Variants in ZMYND15 observed in about 807,000 individuals in gnomAD.
ZMYND15 encodes the protein zinc finger MYND-type containing 15.
In ZMYND15, 54 loss-of-function variants were observed where a neutral mutation model predicts 81.7. The ratio of observed to expected loss-of-function variants is 0.66; its 90% CI spans 0.53 to 0.83. ZMYND15 has a LOEUF of 0.83. ZMYND15 is among the 40% of genes least tolerant of loss of function. ZMYND15 has a pLI of 0.00. For missense variants in ZMYND15, 925 were observed against 973.5 expected, an observed-to-expected ratio of 0.95 and a Z score of 0.66; for synonymous variants, 399 against 387.0, an observed-to-expected ratio of 1.03 and a Z score of -0.36.
chr17:4,742,676 C>A (rs577651043), intron 5 of ZMYND15, among the ~76,000 whole-genome samples, 185 bp downstream of exon 5: 328 of 152,226 alleles, frequency 2.2e-3, no homozygotes, highest in Non-Finnish European at 2.7e-3. Flanking sequence ...AAGCCGAGGC[C>A]TGAGTGTCTG....
rs1255350670 is a variant in ZMYND15 at position 4,745,809 on chromosome 17, G to T, written c.2058-10G>T. ...CCCGTGGTCCCTGACTGCGCCCCGC[G>T]CCCCCGCAGGTACTGCAATGCCTTC... is the stretch of plus-strand genomic sequence containing the variant. On this transcript the variant is annotated splice_polypyrimidine_tract_variant and intron_variant, in intron 13 of 13. Transcript: ENST00000433935. The surrounding 1 kb of genome is among the most constrained non-coding windows in gnomAD (Gnocchi z 5.2). The T allele has an allele frequency of 6.4e-7, 1 of 1,561,696 alleles. No individual in the cohort carries two copies.
Position 4,745,271 on chromosome 17 carries a change from C to G in ZMYND15, c.1953C>G (p.Asp651Glu). Reference protein sequence around the residue: ...TESSEYSCVMDGQTMAVATGG... With the variant: ...TESSEYSCVMEGQTMAVATGG... ...GCAGCGAGTACAGCTGTGTGATGGA[C>G]GGCCAGACCATGGCGGTGGCCACTG... is the stretch of plus-strand genomic sequence containing the variant. Residue 651 changes from aspartate (D) to glutamate (E), a missense_variant, in exon 13 of 14, where the codon GAC (aspartate) becomes GAG (glutamate). Physicochemically the swap from Asp to Glu is conservative, Grantham distance 45. Coordinates refer to ENST00000433935, the MANE Select transcript of ZMYND15 (RefSeq NM_001136046.3). The surrounding 1 kb of genome is among the most constrained non-coding windows in gnomAD (Gnocchi z 5.2). The G allele has an allele frequency of 6.2e-7, 1 of 1,613,998 alleles. No individual in the cohort carries two copies. Among genetic ancestry groups the G allele is most frequent in the Non-Finnish European group, 8.5e-7 (1 of 1,179,968 alleles).
In ZMYND15 at chr17:4,745,339, C is replaced by T. The variant is rs1916616501; in HGVS notation, c.2021C>T (p.Pro674Leu). The stretch of plus-strand genomic sequence containing the variant: ...CCCCAGCCCAACCCCTTCCGCTCCC[C>T]CTTTCGCCTCAGAGCGGCCGACAAC... ...SPPQPNPFRS[P>L]FRLRAADNCM... Residue 674 changes from proline to leucine, a missense_variant, in exon 13 of 14, where the codon CCC becomes CTC. Transcript: ENST00000433935. The surrounding 1 kb of genome is among the most constrained non-coding windows in gnomAD (Gnocchi z 5.2). 6.2e-7 allele frequency: 1 copy of T among 1,611,012 alleles called. No homozygotes were observed. Among genetic ancestry groups the T allele is most frequent in the Non-Finnish European group, 8.5e-7 (1 of 1,178,762 alleles).
intron 1 of ZMYND15, 101 bp downstream of exon 1, chr17:4,740,151 C>G: frequency 1.1e-6 from 1 of 875,994 alleles, no homozygotes; most frequent in Non-Finnish European, 1.4e-6. Flanking sequence ...CTCCCATACC[C>G]CACAGACGCA....
intron 5 of ZMYND15, among the ~76,000 whole-genome samples, chr17:4,742,897 T>C (rs1475476764): frequency 6.6e-6 from 1 of 152,070 alleles, no homozygotes; most frequent in Non-Finnish European, 1.5e-5. Flanking sequence ...TCAGAAATGG[T>C]AGTTCCCGGC....
In ZMYND15 at chr17:4,745,964, G is replaced by A. The variant is rs1041890122; in HGVS notation, c.2203G>A (p.Gly735Arg). 1 of 1,450,834 alleles carries A rather than the reference G, an allele frequency of 6.9e-7. No individual in the cohort carries two copies. The highest frequency in any genetic ancestry group is 9.0e-7 in the Non-Finnish European group (1 of 1,106,360). 89.9% of individuals were successfully genotyped at this position (1,450,834 alleles called of 1,614,324 possible). A position where few individuals can be genotyped will look rare whatever the true frequency, so the allele number is the denominator to read the frequency against. The change falls in exon 14 of 14, where the codon GGG (glycine) becomes AGG (arginine). Residue 735 changes from glycine to arginine, a missense_variant. Physicochemically the swap from Gly to Arg is moderately radical, Grantham distance 125 (BLOSUM62 -2). Transcript: ENST00000433935. The surrounding 1 kb of genome is among the most constrained non-coding windows in gnomAD (Gnocchi z 5.2). ...TRRRRGEKKP[G>R]RGARRRK ...AAGGCGCCGAGGAGAAAAGAAACCT[G>A]GGCGGGGGGCCCGCCGGCGGAAATG...
At chr17:4,742,773 TAAAC>T (rs1196836132) in intron 5 of ZMYND15, among the ~76,000 whole-genome samples, 1 of 152,174 alleles carries the variant, frequency 6.6e-6, no homozygotes, top group Non-Finnish European at 1.5e-5. Context: ...AGTGTGACCT[TAAAC>T]AAACCACTTT....
chr17:4,744,429 C>A lies in ZMYND15; in HGVS notation c.1645C>A (p.Pro549Thr). Residue 549 changes from proline (P) to threonine (T), a missense_variant, in exon 10 of 14, where the codon CCC becomes ACC. By Grantham distance (38) the Pro-to-Thr change is conservative. Transcript: ENST00000433935. This position sits in a 1 kb window ranked among gnomAD's most constrained non-coding sequence, Gnocchi z 4.1. The stretch of plus-strand genomic sequence containing the variant: ...GCTGCAGTTTGTAGGTGATGGCCTG[C>A]CCCCCGAAAGCGACGAGCAGCATTT... The part of the protein sequence containing the change: ...LELQFVGDGL[P>T]PESDEQHFTL... The A allele has an allele frequency of 6.2e-7, 1 of 1,614,086 alleles. No homozygotes were observed. The highest frequency in any genetic ancestry group is 8.5e-7 in the Non-Finnish European group (1 of 1,179,996).
At chr17:4,741,893 T>C in intron 3 of ZMYND15, 22 bp from the exon 4 acceptor site, 2 of 1,609,180 alleles carry the variant, frequency 1.2e-6, no homozygotes, top group Non-Finnish European at 1.7e-6. Flanking sequence ...CCTGATGCCA[T>C]CTCCCCCCCA....
In ZMYND15 at chr17:4,744,420, G is replaced by C. The variant is rs765580014; in HGVS notation, c.1636G>C (p.Asp546His). The change falls in exon 10 of 14, where the codon GAT becomes CAT. Residue 546 changes from aspartate to histidine, a missense_variant. Physicochemically the swap from Asp to His is moderately conservative, Grantham distance 81. Coordinates refer to ENST00000433935, the MANE Select transcript of ZMYND15 (RefSeq NM_001136046.3). The surrounding 1 kb of genome is among the most constrained non-coding windows in gnomAD (Gnocchi z 4.1). ...HVALELQFVG[D>H]GLPPESDEQH... ...GGCCCTGGAGCTGCAGTTTGTAGGT[G>C]ATGGCCTGCCCCCCGAAAGCGACGA... The C allele has an allele frequency of 2.5e-6, 4 of 1,614,128 alleles. No individual in the cohort carries two copies. In the East Asian group the frequency reaches 8.9e-5, roughly 36 times the overall value.
chr17:4,741,840 C>A, intron 3 of ZMYND15, 24 bp downstream of exon 3: 1 of 1,579,012 alleles, frequency 6.3e-7, no homozygotes, highest in Non-Finnish European at 8.6e-7. Context: ...GTATCTGAGG[C>A]TGGGGAGGAC....
rs1027671060 is a variant in ZMYND15 at position 4,740,529 on chromosome 17, G to A, written c.-20G>A. On this transcript the variant is annotated 5_prime_UTR_variant, in exon 2 of 14. Transcript: ENST00000433935. ...CCTTCTTTTGCTCAGTCTGGGCCGG[G>A]GCCCTGTGCCGCTGAAGACATGGAG... 1.3e-6 allele frequency: 2 copies of A among 1,568,074 alleles called. No individual in the cohort carries two copies. Among genetic ancestry groups the A allele is most frequent in the African/African-American group, 2.7e-5 (2 of 73,852 alleles).
At chr17:4,741,519 T>C in intron 2 of ZMYND15, 63 bp from the exon 3 acceptor site, 1 of 1,585,154 alleles carries the variant, frequency 6.3e-7, no homozygotes, top group Non-Finnish European at 8.7e-7. Context: ...TTGGTACTCC[T>C]GACCCTGACC....
In ZMYND15 at chr17:4,744,808, G is replaced by T; in HGVS notation, c.1837+30G>T. On this transcript the variant is annotated intron_variant, in intron 11 of 13. Transcript: ENST00000433935. This position sits in a 1 kb window ranked among gnomAD's most constrained non-coding sequence, Gnocchi z 4.1. ...AAGCCTGGGTCTCAGGGTTAGGCAT[G>T]TGGGGAAGGTGGGAGAGAAGCCCAC... is the stretch of plus-strand genomic sequence containing the variant. 1 of 1,614,154 alleles carries T rather than the reference G, an allele frequency of 6.2e-7. No homozygotes were observed. The highest frequency in any genetic ancestry group is 8.5e-7 in the Non-Finnish European group (1 of 1,180,008).
chr17:4,745,096 C>A lies in ZMYND15; in HGVS notation c.1897-119C>A. On this transcript the variant is annotated intron_variant, in intron 12 of 13. Transcript: ENST00000433935. This position sits in a 1 kb window ranked among gnomAD's most constrained non-coding sequence, Gnocchi z 5.2. ...TCTCTCTGTGTCTGTCTCCGTCCTC[C>A]CCCTGCTCCCCTCCGCCCGGTCTGT... The A allele has an allele frequency of 6.4e-7, 1 of 1,568,982 alleles. No homozygotes were observed. Among genetic ancestry groups the A allele is most frequent in the South Asian group, 1.1e-5 (1 of 87,268 alleles).
Position 4,740,801 on chromosome 17 carries a change from A to G in ZMYND15, c.253A>G (p.Thr85Ala), listed in dbSNP as rs1264038445. 1 of 1,589,082 alleles carries G rather than the reference A, an allele frequency of 6.3e-7. No individual in the cohort carries two copies. The highest frequency in any genetic ancestry group is 1.1e-5 in the South Asian group (1 of 88,748). ...AEPGPGPGLGTAWLLGDNPPL... is the reference protein window; with the variant it reads ...AEPGPGPGLGAAWLLGDNPPL... ...ACCAGGTCCTGGACCAGGCCTGGGG[A>G]CTGCCTGGCTCCTGGGAGACAACCC... Residue 85 changes from threonine (T) to alanine (A), a missense_variant, in exon 2 of 14, where the codon ACT becomes GCT. Transcript: ENST00000433935.
At position 4,743,978 on chromosome 17, in the gene ZMYND15, C is replaced by T; in HGVS notation, c.1379-13C>T. 3.9e-6 allele frequency: 6 copies of T among 1,554,434 alleles called. No individual in the cohort carries two copies. Among genetic ancestry groups the T allele is most frequent in the South Asian group, 1.2e-5 (1 of 85,128 alleles). On this transcript the variant is annotated splice_polypyrimidine_tract_variant and intron_variant, in intron 7 of 13. Coordinates refer to ENST00000433935, the MANE Select transcript of ZMYND15 (RefSeq NM_001136046.3). The surrounding 1 kb of genome is among the most constrained non-coding windows in gnomAD (Gnocchi z 4.3). The stretch of plus-strand genomic sequence containing the variant: ...GTCCAGGGCCAGGTCCTCTAGCAAC[C>T]CTCTCCTGCCAGGCTCATGGCAGGA...
chr17:4,741,176 C>T (rs1418152898), intron 2 of ZMYND15, 36 bp downstream of exon 2: 3 of 1,399,682 alleles, frequency 2.1e-6, no homozygotes, highest in Middle Eastern at 4.6e-4. Context: ...CTACCCCTTG[C>T]CCAGCCATCC....
At position 4,741,895 on chromosome 17, in the gene ZMYND15, T is replaced by G; in HGVS notation, c.828-20T>G. Reference sequence around the variant, plus strand: ...GCACCTCCTCCAGCCTGATGCCATCTCCCCCCCAACTGCATTTAGAGAGCT... The same window carrying G: ...GCACCTCCTCCAGCCTGATGCCATCGCCCCCCCAACTGCATTTAGAGAGCT... On this transcript the variant is annotated intron_variant, in intron 3 of 13. Coordinates refer to ENST00000433935, the MANE Select transcript of ZMYND15 (RefSeq NM_001136046.3). 6.2e-7 allele frequency: 1 copy of G among 1,608,892 alleles called. No homozygotes were observed. The highest frequency in any genetic ancestry group is 8.5e-7 in the Non-Finnish European group (1 of 1,176,304).
Sources: allele counts gnomAD v4.1 joint callset (sites outside exome capture counted in the v4.1 genomes callset), GRCh38; gene constraint gnomAD v4.1.1; non-coding constraint Gnocchi (gnomAD v3.1); transcripts MANE v1.5; gene names NCBI Gene and HGNC (gene_info 2026-07-23, HGNC 2026-07-21).